NFATC2: variants seen among roughly 807,000 people sequenced by gnomAD.
NFATC2 encodes nuclear factor of activated T-cells, cytoplasmic 2.
A neutral mutation model predicts 87.3 loss-of-function variants in NFATC2; 22 were observed. That is an observed-to-expected ratio of 0.25 (90% confidence interval 0.18 to 0.36). The LOEUF (loss-of-function observed/expected upper bound fraction) is 0.36. Ranked by LOEUF, NFATC2 falls within the 10% of genes least tolerant of loss-of-function variation. The pLI, the probability that NFATC2 is intolerant of heterozygous loss-of-function variation, is 1.00. For synonymous variants in NFATC2, 565 were observed against 542.2 expected, an observed-to-expected ratio of 1.04 and a Z score of -0.58; for missense variants, 1,149 against 1,259.1, an observed-to-expected ratio of 0.91 and a Z score of 1.32.
At position 51,496,140 on chromosome 20, in the gene NFATC2, G is replaced by A. The variant is rs530747248; in HGVS notation, c.1333-20480C>T. The stretch of plus-strand genomic sequence containing the variant: ...GCCTAGTGGTGCTGAGACCCCATGC[G>A]GGAGGCAGATCCAGTCCAAAGGGAG... On this transcript the variant is annotated intron_variant, in intron 3 of 10. Transcript: ENST00000371564. Among the ~76,000 whole-genome samples the A allele has an allele frequency of 4.6e-5, 7 of 152,188 alleles. No individual in the cohort carries two copies. In the East Asian group the frequency reaches 9.7e-4, roughly 21 times the overall value.
intron 3 of NFATC2, among the ~76,000 whole-genome samples, chr20:51,516,117 C>T (rs1378122294): frequency 6.6e-6 from 1 of 151,760 alleles, no homozygotes; most frequent in African/African-American, 2.4e-5. Flanking sequence ...AAAATAGGCA[C>T]ACTTCTCTAC....
intron 1 of NFATC2, among the ~76,000 whole-genome samples, chr20:51,556,559 A>G (rs1200140825): frequency 1.3e-5 from 2 of 152,198 alleles, no homozygotes; most frequent in African/African-American, 4.8e-5. Flanking sequence ...TAGATCCCCA[A>G]ACATCTTGGT....
At chr20:51,518,724 TTAAC>T (rs1436825849) in intron 2 of NFATC2, among the ~76,000 whole-genome samples, 11 of 152,248 alleles carry the variant, frequency 7.2e-5, no homozygotes, top group African/African-American at 2.7e-4. Flanking sequence ...TAAAGAATAT[TTAAC>T]TACTCATTCA....
chr20:51,420,689 C>T (rs1391012569), intron 9 of NFATC2, among the ~76,000 whole-genome samples: 11 of 151,888 alleles, frequency 7.2e-5, no homozygotes, highest in East Asian at 1.9e-4. Context: ...TGACTCCCGA[C>T]GCAAATGAAC....
intron 6 of NFATC2, among the ~76,000 whole-genome samples, chr20:51,443,357 C>T (rs929095005): frequency 2.6e-5 from 4 of 152,194 alleles, no homozygotes; most frequent in Non-Finnish European, 5.9e-5. Context: ...ATAACAGTTG[C>T]TCAATTAATA....
rs34489487 is a variant in NFATC2 at position 51,504,999 on chromosome 20, C to CTTTTTTT, written c.1332+11778_1332+11784dup. 5.7e-4 allele frequency among the ~76,000 whole-genome samples: 41 copies of CTTTTTTT among 72,510 alleles called. 2 individuals carry two copies. The highest frequency in any genetic ancestry group is 2.2e-3 in the East Asian group (4 of 1,838). 47.6% of individuals were successfully genotyped at this position (72,510 alleles called of 152,430 possible). A position where few individuals can be genotyped will look rare whatever the true frequency, so the allele number is the denominator to read the frequency against. ...GGTCATGAAGAGTGCTATCTAGTTCCTTTTTTTTTTTTTTTTTTTTTTTTT... is the reference window on the plus strand; with the variant it reads ...GGTCATGAAGAGTGCTATCTAGTTCCTTTTTTTTTTTTTTTTTTTTTTTTTTTTTTTT... On this transcript the variant is annotated intron_variant, in intron 3 of 10. Coordinates refer to ENST00000371564, the MANE Select transcript of NFATC2 (RefSeq NM_012340.5).
chr20:51,535,363 C>T (rs1231661242), intron 1 of NFATC2, among the ~76,000 whole-genome samples: 7 of 152,248 alleles, frequency 4.6e-5, no homozygotes, highest in Non-Finnish European at 7.3e-5. Flanking sequence ...CTCGCACAGC[C>T]TGAAAGGCTG....
intron 1 of NFATC2, among the ~76,000 whole-genome samples, chr20:51,538,455 G>A (rs952827743): frequency 4.6e-5 from 7 of 152,136 alleles, no homozygotes; most frequent in African/African-American, 7.2e-5. Context: ...AGCCAACACT[G>A]GAGTCCTCCT....
chr20:51,545,930 G>A (rs1361255334), upstream of NFATC2, among the ~76,000 whole-genome samples: 2 of 152,188 alleles, frequency 1.3e-5, no homozygotes, highest in Non-Finnish European at 2.9e-5. Context: ...ATGTTTGCCT[G>A]GATGAATGTA....
chr20:51,459,067 G>C (rs115891471), intron 5 of NFATC2, among the ~76,000 whole-genome samples: 3 of 152,122 alleles, frequency 2.0e-5, no homozygotes, highest in Admixed American at 1.3e-4. Flanking sequence ...CTGCCCTCAC[G>C]GGTCTGCTTC....
Position 51,562,495 on chromosome 20 carries a change from G to A in NFATC2, c.70+65C>T. ...GGAGCTGAAAGTGCTGCCCGGGACGGGAGCAGCAGGAAAGGGCCGGGAGGA... is the reference window on the plus strand; with the variant it reads ...GGAGCTGAAAGTGCTGCCCGGGACGAGAGCAGCAGGAAAGGGCCGGGAGGA... On this transcript the variant is annotated intron_variant, in intron 1 of 10. Coordinates refer to the NFATC2 transcript ENST00000414705. The surrounding 1 kb of genome is among the most constrained non-coding windows in gnomAD (Gnocchi z 5.8). The A allele has an allele frequency of 1.4e-6, 2 of 1,392,398 alleles. No individual in the cohort carries two copies. The highest frequency in any genetic ancestry group is 9.9e-7 in the Non-Finnish European group (1 of 1,008,134). 86.3% of individuals were successfully genotyped at this position (1,392,398 alleles called of 1,614,324 possible). A position where few individuals can be genotyped will look rare whatever the true frequency, so the allele number is the denominator to read the frequency against.
At chr20:51,413,189 C>A (rs977146988) in intron 9 of NFATC2, among the ~76,000 whole-genome samples, 5 of 151,862 alleles carry the variant, frequency 3.3e-5, no homozygotes, top group African/African-American at 1.2e-4. Context: ...CAGTGGCCAG[C>A]ACATTTTTGA....
rs2076840908 is a variant in NFATC2, at chr20:51,542,680, A to G, written c.-181T>C. ...AGCGGGTCCTGGACGCGCCCGGGGAAGCTGAGCGGCGGCGGCGACGGCGGC... is the reference window on the plus strand; with the variant it reads ...AGCGGGTCCTGGACGCGCCCGGGGAGGCTGAGCGGCGGCGGCGACGGCGGC... On this transcript the variant is annotated 5_prime_UTR_variant, in exon 1 of 11. Coordinates refer to ENST00000371564, the MANE Select transcript of NFATC2 (RefSeq NM_012340.5). 6.6e-6 allele frequency: 7 copies of G among 1,052,996 alleles called. No individual in the cohort carries two copies. The highest frequency in any genetic ancestry group is 8.0e-6 in the Non-Finnish European group (7 of 875,796). The allele number at this position is 1,052,996 out of a possible 1,614,324, so 65.2% of individuals were successfully genotyped here.
At chr20:51,436,762 G>C (rs946249258) in intron 6 of NFATC2, among the ~76,000 whole-genome samples, 3 of 151,900 alleles carry the variant, frequency 2.0e-5, no homozygotes, top group African/African-American at 7.3e-5. Flanking sequence ...AAATAAATAA[G>C]TAAATAATTT....
chr20:51,397,791 G>A (rs1306398620), intron 10 of NFATC2, among the ~76,000 whole-genome samples: 2 of 152,170 alleles, frequency 1.3e-5, no homozygotes, highest in African/African-American at 2.4e-5. Flanking sequence ...TCCCCTGGGT[G>A]TACTAATATA....
chr20:51,522,367 A>G (rs1337751666), intron 2 of NFATC2, among the ~76,000 whole-genome samples: 2 of 152,208 alleles, frequency 1.3e-5, no homozygotes, highest in Admixed American at 6.5e-5. Context: ...CCAATGAGAA[A>G]GAGGGTGCTG....
chr20:51,513,294 G>A (rs1292771442), intron 3 of NFATC2, among the ~76,000 whole-genome samples: 1 of 152,096 alleles, frequency 6.6e-6, no homozygotes, highest in East Asian at 1.9e-4. Context: ...CCTAAGCAAC[G>A]CAGGGAGACC....
intron 9 of NFATC2, among the ~76,000 whole-genome samples, chr20:51,401,179 G>A (rs185090038): frequency 1.4e-4 from 21 of 152,146 alleles, no homozygotes; most frequent in Admixed American, 2.6e-4. Flanking sequence ...AGACCAGCCC[G>A]GCCAATATGG....
At chr20:51,416,638 TAAG>T (rs1402607755) in intron 9 of NFATC2, among the ~76,000 whole-genome samples, 1 of 152,170 alleles carries the variant, frequency 6.6e-6, no homozygotes, top group Non-Finnish European at 1.5e-5. Context: ...AAGATGAGGC[TAAG>T]AAGATGATGA....
Sources: allele counts gnomAD v4.1 joint callset (sites outside exome capture counted in the v4.1 genomes callset), GRCh38; gene constraint gnomAD v4.1.1; non-coding constraint Gnocchi (gnomAD v3.1); transcripts MANE v1.5; gene names NCBI Gene and HGNC (gene_info 2026-07-23, HGNC 2026-07-21).